SCEL: variants seen among roughly 807,000 people sequenced by gnomAD.
SCEL encodes the protein sciellin.
A neutral mutation model predicts 117.6 loss-of-function variants in SCEL; 113 were observed. That is an observed-to-expected ratio of 0.96 (90% CI 0.83 to 1.12). SCEL has a LOEUF of 1.12. SCEL is among the 50% of genes most tolerant of loss of function. The pLI, the probability that SCEL is intolerant of heterozygous loss-of-function variation, is 0.00. For synonymous variants in SCEL, 270 were observed against 256.2 expected (o/e 1.05, Z -0.51); for missense variants, 785 against 810.8 (o/e 0.97, Z 0.39).
rs774948156 is a variant in SCEL, at chr13:77,572,210, G to A, written c.545+21G>A. Reference sequence around the variant, plus strand: ...AGACGGTAAGGGAAAGGTGTCAGGCGTAATTGCTGTGCCATTAGATGGAAG... The same window carrying A: ...AGACGGTAAGGGAAAGGTGTCAGGCATAATTGCTGTGCCATTAGATGGAAG... On this transcript the variant is annotated intron_variant, in intron 9 of 32. Transcript: ENST00000349847. 1.4e-5 allele frequency: 22 copies of A among 1,559,356 alleles called. No individual in the cohort carries two copies. In the African/African-American group the frequency reaches 1.5e-4, roughly 11 times the overall value.
At position 77,593,297 on chromosome 13, in the gene SCEL, T is replaced by TGTGTG. The variant is rs776632183; in HGVS notation, c.693-217_693-216insGTGTG. ...GTGTGTGTGTGTGTGTGTGTGTGTG[T>TGTGTG]CTGTGTGTGTGTGTGTGTGTGTCAG... is the stretch of plus-strand genomic sequence containing the variant. On this transcript the variant is annotated intron_variant, in intron 11 of 32. Coordinates refer to ENST00000349847, the MANE Select transcript of SCEL (RefSeq NM_144777.3). Among the ~76,000 whole-genome samples the TGTGTG allele has an allele frequency of 5.3e-3, 620 of 117,106 alleles. 10 individuals are homozygous for TGTGTG. Among genetic ancestry groups the TGTGTG allele is most frequent in the Non-Finnish European group, 6.2e-3 (323 of 52,474 alleles). The allele number at this position is 117,106 out of a possible 152,430, so 76.8% of individuals were successfully genotyped here.
chr13:77,602,947 T>A (rs7490669), intron 17 of SCEL, 129 bp from the exon 18 acceptor site: 475,612 of 650,538 alleles, frequency 0.73, 175,224 homozygotes, highest in Middle Eastern at 0.82. Context: ...TTTTTATACT[T>A]AAAGCCAATT....
chr13:77,546,941 G>C (rs2084022961), intron 1 of SCEL, among the ~76,000 whole-genome samples: 1 of 152,118 alleles, frequency 6.6e-6, no homozygotes, highest in Non-Finnish European at 1.5e-5. Flanking sequence ...AAAAGAGTGG[G>C]GGAGCACAAA....
intron 7 of SCEL, 52 bp from the exon 8 acceptor site, chr13:77,569,319 G>A: frequency 7.1e-7 from 1 of 1,401,354 alleles, no homozygotes; most frequent in Non-Finnish European, 1.0e-6. Flanking sequence ...AAGGTAGGCT[G>A]AAATGAAAAA....
chr13:77,543,357 A>G lies in SCEL; in HGVS notation c.-20+7533A>G, dbSNP rs1001426440. 5.3e-5 allele frequency among the ~76,000 whole-genome samples: 8 copies of G among 152,254 alleles called. No homozygotes were observed. The South Asian group carries it at 1.7e-3, about 32-fold the overall frequency. ...CTCGGCCTCCCAAAGTGCTGGGACT[A>G]CAGGCGTGAGCCACCGCGCCCGGCC... On this transcript the variant is annotated intron_variant, in intron 1 of 32. Coordinates refer to ENST00000349847, the MANE Select transcript of SCEL (RefSeq NM_144777.3).
intron 1 of SCEL, among the ~76,000 whole-genome samples, chr13:77,547,023 T>G (rs569953823): frequency 6.6e-6 from 1 of 152,276 alleles, no homozygotes; most frequent in African/African-American, 2.4e-5. Context: ...ACTGCTAGCT[T>G]CAGAGAGCCT....
In SCEL at chr13:77,603,142, A is replaced by G. The variant is rs773495949; in HGVS notation, c.1097+7A>G. 3.3e-6 allele frequency: 5 copies of G among 1,503,820 alleles called. No homozygotes were observed. Among genetic ancestry groups the G allele is most frequent in the South Asian group, 1.2e-5 (1 of 82,828 alleles). The allele number at this position is 1,503,820 out of a possible 1,614,324, so 93.2% of individuals were successfully genotyped here. A position where few individuals can be genotyped will look rare whatever the true frequency, so the allele number is the denominator to read the frequency against. On this transcript the variant is annotated splice_region_variant and intron_variant, in intron 18 of 32. Transcript: ENST00000349847. ...GACATGAAAATACCACTGGGTAAAAATAATTAATGTCTTTAATTATGGTTT... is the reference window on the plus strand; with the variant it reads ...GACATGAAAATACCACTGGGTAAAAGTAATTAATGTCTTTAATTATGGTTT...
intron 1 of SCEL, among the ~76,000 whole-genome samples, chr13:77,542,032 A>T (rs553430820): frequency 3.0e-4 from 46 of 152,362 alleles, no homozygotes; most frequent in African/African-American, 1.1e-3. Context: ...AATGAATATT[A>T]GACCAGTGTT....
chr13:77,599,224 C>G, intron 13 of SCEL, 105 bp from the exon 14 acceptor site: 1 of 759,300 alleles, frequency 1.3e-6, no homozygotes, highest in South Asian at 1.9e-5. Context: ...TCTTCCCCAA[C>G]AAGCTTCTGT....
At chr13:77,604,259 T>G (rs923046502) in intron 18 of SCEL, 97 bp from the exon 19 acceptor site, 13 of 716,624 alleles carry the variant, frequency 1.8e-5, no homozygotes, top group East Asian at 6.3e-5. Context: ...TATAGAAAAC[T>G]TGTATATTTA....
intron 13 of SCEL, 117 bp from the exon 14 acceptor site, chr13:77,599,212 C>T (rs1394829711): frequency 4.4e-6 from 3 of 684,012 alleles, no homozygotes; most frequent in Admixed American, 3.0e-5. Context: ...AATTGTAGCT[C>T]ATCTTCCCCA....
At chr13:77,599,579 A>C in intron 14 of SCEL, 110 bp from the exon 15 acceptor site, 1 of 930,070 alleles carries the variant, frequency 1.1e-6, no homozygotes, top group Non-Finnish European at 1.8e-6. Flanking sequence ...CCATTCAATA[A>C]GAGTAAATGA....
chr13:77,624,294 C>T (rs373162295), intron 27 of SCEL, among the ~76,000 whole-genome samples: 128 of 151,910 alleles, frequency 8.4e-4, no homozygotes, highest in African/African-American at 2.9e-3. Flanking sequence ...TTAGTAGAGA[C>T]GGGGTTTCAC....
At chr13:77,599,775 T>A (rs1191642585) in intron 15 of SCEL, 27 bp downstream of exon 15, 1 of 1,494,744 alleles carries the variant, frequency 6.7e-7, no homozygotes, top group South Asian at 1.1e-5. Context: ...ACAGACCATT[T>A]TGATTGAGTC....
At chr13:77,548,573 G>A (rs1026164362) in intron 1 of SCEL, among the ~76,000 whole-genome samples, 4 of 152,192 alleles carry the variant, frequency 2.6e-5, no homozygotes, top group Admixed American at 2.6e-4. Context: ...TCTCTGATAT[G>A]GTTTGTCTCT....
intron 26 of SCEL, 54 bp from the exon 27 acceptor site, chr13:77,617,950 C>A: frequency 6.3e-7 from 1 of 1,591,978 alleles, no homozygotes; most frequent in Non-Finnish European, 8.6e-7. Flanking sequence ...TGACCTAGCA[C>A]AACCCCAAAA....
intron 27 of SCEL, among the ~76,000 whole-genome samples, chr13:77,619,026 A>G (rs1416893295): frequency 6.6e-6 from 1 of 152,250 alleles, no homozygotes; most frequent in African/African-American, 2.4e-5. Context: ...TAGATAATGC[A>G]AAAGAGTGCA....
At chr13:77,610,275 A>T (rs1032965910) in intron 22 of SCEL, among the ~76,000 whole-genome samples, 169 bp downstream of exon 22, 1 of 151,974 alleles carries the variant, frequency 6.6e-6, no homozygotes, top group Non-Finnish European at 1.5e-5. Flanking sequence ...ACATGGTGAA[A>T]CCCTGTCTCT....
At chr13:77,600,060 G>A in intron 15 of SCEL, 2 of 314,386 alleles carry the variant, frequency 6.4e-6, no homozygotes, top group Non-Finnish European at 1.2e-5. Context: ...TACAAGTAGT[G>A]GAGAATAGGT....
Sources: allele counts gnomAD v4.1 joint callset (sites outside exome capture counted in the v4.1 genomes callset), GRCh38; gene constraint gnomAD v4.1.1; transcripts MANE v1.5; gene names NCBI Gene and HGNC (gene_info 2026-07-23, HGNC 2026-07-21).